Variants in CDKAL1 observed in about 807,000 individuals in gnomAD.
CDKAL1 encodes threonylcarbamoyladenosine tRNA methylthiotransferase.
A neutral mutation model predicts 68.2 loss-of-function variants in CDKAL1; 32 were observed. The observed-to-expected ratio is 0.47, with a 90% CI of 0.35 to 0.63. The LOEUF is 0.63. Ranked by LOEUF, CDKAL1 falls within the 30% of genes least tolerant of loss-of-function variation. CDKAL1 has a pLI of 0.00. For missense variants in CDKAL1, 606 were observed against 696.7 expected (o/e 0.87, Z 1.47); for synonymous variants, 234 against 244.3 (o/e 0.96, Z 0.39).
rs77650163 is a variant in CDKAL1 at position 20,842,064 on chromosome 6, A to G, written c.639-4011A>G. Among the ~76,000 whole-genome samples, 1,152 of 152,316 alleles carry G rather than the reference A, an allele frequency of 7.6e-3. 23 individuals are homozygous for G. The highest frequency in any genetic ancestry group is 0.026 in the African/African-American group (1,080 of 41,550). ...GGCTCAGTGTTCTTTCTCCTAGACAATTATTTAATTGTTTACAGATAACTG... is the reference window on the plus strand; with the variant it reads ...GGCTCAGTGTTCTTTCTCCTAGACAGTTATTTAATTGTTTACAGATAACTG... On this transcript the variant is annotated intron_variant, in intron 8 of 15. Transcript: ENST00000274695.
chr6:21,099,197 G>T (rs918762972), intron 12 of CDKAL1, among the ~76,000 whole-genome samples: 1 of 152,002 alleles, frequency 6.6e-6, no homozygotes, highest in African/African-American at 2.4e-5. Context: ...GCAAACCAAC[G>T]GTTTAGAGCA....
chr6:20,918,478 C>A (rs2150642883), intron 9 of CDKAL1, among the ~76,000 whole-genome samples: 1 of 152,284 alleles, frequency 6.6e-6, no homozygotes, highest in South Asian at 2.1e-4. Flanking sequence ...ATTTGGGGGG[C>A]TATATTCCAG....
intron 13 of CDKAL1, among the ~76,000 whole-genome samples, chr6:21,117,814 G>A (rs569159226): frequency 2.0e-5 from 3 of 152,114 alleles, no homozygotes; most frequent in South Asian, 4.1e-4. Flanking sequence ...ACTTCCCCTT[G>A]GTTTACTACA....
chr6:20,818,091 G>A (rs917079248), intron 8 of CDKAL1, among the ~76,000 whole-genome samples: 2 of 152,134 alleles, frequency 1.3e-5, no homozygotes, highest in South Asian at 2.1e-4. Context: ...CTCCTCAAGC[G>A]AGTGAATCAT....
intron 9 of CDKAL1, among the ~76,000 whole-genome samples, chr6:20,944,805 T>C (rs1368057013): frequency 6.6e-6 from 1 of 152,246 alleles, no homozygotes; most frequent in Non-Finnish European, 1.5e-5. Flanking sequence ...TATGTTATTA[T>C]AATGGTATTA....
At chr6:20,851,992 GTTAAA>G (rs1347491630) in intron 9 of CDKAL1, among the ~76,000 whole-genome samples, 1 of 152,000 alleles carries the variant, frequency 6.6e-6, no homozygotes, top group Non-Finnish European at 1.5e-5. Flanking sequence ...TTATATGGCA[GTTAAA>G]TTAAATGTCT....
At chr6:20,932,162 T>C (rs1352107903) in intron 9 of CDKAL1, among the ~76,000 whole-genome samples, 1 of 152,214 alleles carries the variant, frequency 6.6e-6, no homozygotes, top group Admixed American at 6.5e-5. Context: ...GAAATAATAG[T>C]GTGAGAACAA....
At chr6:21,030,353 G>A (rs1167649904) in intron 11 of CDKAL1, among the ~76,000 whole-genome samples, 1 of 152,150 alleles carries the variant, frequency 6.6e-6, no homozygotes, top group East Asian at 1.9e-4. Context: ...CGGAGGGAGA[G>A]CATTAGGACA....
intron 7 of CDKAL1, among the ~76,000 whole-genome samples, chr6:20,769,810 A>G (rs1561761870): frequency 6.6e-6 from 1 of 151,974 alleles, no homozygotes; most frequent in Non-Finnish European, 1.5e-5. Context: ...ATTCATTTCT[A>G]CTCCACAGGA....
At chr6:20,673,808 CTG>C (rs1271623167) in intron 5 of CDKAL1, among the ~76,000 whole-genome samples, 1 of 152,358 alleles carries the variant, frequency 6.6e-6, no homozygotes, top group Non-Finnish European at 1.5e-5. Flanking sequence ...TCCGCCATGA[CTG>C]TGAGGTCTCC....
At position 20,907,533 on chromosome 6, in the gene CDKAL1, CAAAAT is replaced by C. The variant is rs558468970; in HGVS notation, c.743-47881_743-47877del. Among the ~76,000 whole-genome samples the C allele has an allele frequency of 8.5e-5, 13 of 152,054 alleles. No individual in the cohort carries two copies. The South Asian group carries it at 2.3e-3, about 27-fold the overall frequency. ...AATAGTAATAAAAACTTACAAAAGACAAAATAAAAAATACTCCTAGGTAGTCCTCC... is the reference window on the plus strand; with the variant it reads ...AATAGTAATAAAAACTTACAAAAGACAAAAAATACTCCTAGGTAGTCCTCC... On this transcript the variant is annotated intron_variant, in intron 9 of 15. Coordinates refer to ENST00000274695, the MANE Select transcript of CDKAL1 (RefSeq NM_017774.3).
intron 11 of CDKAL1, among the ~76,000 whole-genome samples, chr6:21,057,989 G>A (rs944527518): frequency 1.3e-5 from 2 of 152,164 alleles, no homozygotes; most frequent in African/African-American, 4.8e-5. Flanking sequence ...GTATATTCTC[G>A]TGTTTTTGTT....
At chr6:20,771,285 A>G (rs908148399) in intron 7 of CDKAL1, among the ~76,000 whole-genome samples, 2 of 152,316 alleles carry the variant, frequency 1.3e-5, no homozygotes, top group Non-Finnish European at 2.9e-5. Flanking sequence ...AAAGGCAGTG[A>G]TAACACTTAT....
intron 11 of CDKAL1, among the ~76,000 whole-genome samples, chr6:21,051,748 A>G (rs543999637): frequency 2.0e-5 from 3 of 152,238 alleles, no homozygotes; most frequent in Non-Finnish European, 4.4e-5. Flanking sequence ...TGACAAGGTT[A>G]CAATAATAAA....
intron 9 of CDKAL1, among the ~76,000 whole-genome samples, chr6:20,850,149 T>A (rs12663147): frequency 0.21 from 32,592 of 152,018 alleles, 3,625 homozygotes; most frequent in East Asian, 0.34. Flanking sequence ...TGTCTTATAA[T>A]GAATAAGAAA....
intron 4 of CDKAL1, among the ~76,000 whole-genome samples, chr6:20,561,446 G>GCAAAAAA (rs1764262678): frequency 1.3e-5 from 1 of 79,652 alleles, no homozygotes; most frequent in Non-Finnish European, 2.3e-5. Context: ...TCTCAAAAAA[G>GCAAAAAA]AAAAAAAAAA....
intron 13 of CDKAL1, among the ~76,000 whole-genome samples, chr6:21,112,212 G>C (rs1774151526): frequency 2.0e-5 from 3 of 152,126 alleles, no homozygotes; most frequent in East Asian, 3.8e-4. Flanking sequence ...ATGTTTTCCT[G>C]TTTCTTTCTC....
chr6:21,087,314 G>A (rs1274627973), intron 12 of CDKAL1, among the ~76,000 whole-genome samples: 8 of 151,988 alleles, frequency 5.3e-5, no homozygotes, highest in African/African-American at 1.2e-4. Context: ...TCTAAGGAGC[G>A]GGCGCCTAGT....
chr6:21,009,880 G>A (rs1767921268), intron 11 of CDKAL1, among the ~76,000 whole-genome samples: 1 of 152,190 alleles, frequency 6.6e-6, no homozygotes, highest in Non-Finnish European at 1.5e-5. Context: ...TGGTTAAGGG[G>A]TACAAACATA....
Sources: gnomAD v4.1 joint callset for allele counts (sites outside exome capture counted in the v4.1 genomes callset) on GRCh38, gnomAD v4.1.1 for gene constraint, MANE v1.5 for transcripts, NCBI Gene and HGNC (gene_info 2026-07-23, HGNC 2026-07-21) for gene names.